Variants in IQSEC1 observed in about 807,000 individuals in gnomAD.
IQSEC1 encodes the protein IQ motif and Sec7 domain ArfGEF 1, also known as IQ motif and SEC7 domain-containing protein 1.
Under a neutral mutation model 91.0 loss-of-function variants are expected in IQSEC1, and 31 were observed. That is an observed-to-expected ratio of 0.34 (90% confidence interval 0.26 to 0.46). The LOEUF is 0.46. Among genes scored for constraint, IQSEC1 ranks in the 20% least tolerant of loss-of-function variants. The probability of loss-of-function intolerance (pLI) is 1.00; values close to 1 mark genes in which losing one functional copy is unlikely to be tolerated. For synonymous variants in IQSEC1, 699 were observed against 662.6 expected (o/e 1.05, Z -0.84); for missense variants, 1,388 against 1,575.6 (o/e 0.88, Z 2.02).
At chr3:13,127,353 G>C (rs576422019) in intron 2 of IQSEC1, among the ~76,000 whole-genome samples, 1 of 152,106 alleles carries the variant, frequency 6.6e-6, no homozygotes, top group Non-Finnish European at 1.5e-5. Context: ...GGCAGAGGTT[G>C]CAGTGAGCCG....
intron 3 of IQSEC1, among the ~76,000 whole-genome samples, chr3:12,929,034 G>A (rs768238342): frequency 6.6e-6 from 1 of 152,142 alleles, no homozygotes; most frequent in East Asian, 1.9e-4. Context: ...GGATACAGAC[G>A]GAGATAAAGT....
chr3:13,022,913 C>T (rs148519825), intron 1 of IQSEC1, among the ~76,000 whole-genome samples: 9 of 152,362 alleles, frequency 5.9e-5, no homozygotes, highest in Non-Finnish European at 1.2e-4. Context: ...TGGTCAGCCC[C>T]CTCCGGCCTT....
chr3:12,997,025 C>T (rs1400397967), intron 1 of IQSEC1, among the ~76,000 whole-genome samples: 1 of 152,188 alleles, frequency 6.6e-6, no homozygotes, highest in African/African-American at 2.4e-5. Context: ...AATACAAGGA[C>T]AGACAACACA....
chr3:13,058,279 A>G (rs1231437532), intron 1 of IQSEC1, among the ~76,000 whole-genome samples: 1 of 152,240 alleles, frequency 6.6e-6, no homozygotes, highest in Non-Finnish European at 1.5e-5. Context: ...TCTCAAAAAA[A>G]AGAAAAGGAA....
At chr3:13,015,543 A>C in intron 1 of IQSEC1, 3 of 985,226 alleles carry the variant, frequency 3.0e-6, no homozygotes, top group Non-Finnish European at 3.6e-6. Context: ...AGGGCTGCTG[A>C]GGTCCCCTCC....
chr3:13,071,280 C>T (rs1705417057), intron 1 of IQSEC1, among the ~76,000 whole-genome samples: 1 of 151,614 alleles, frequency 6.6e-6, no homozygotes, highest in African/African-American at 2.4e-5. Flanking sequence ...GCCTCAGTTT[C>T]CCCATCTCTA....
chr3:13,027,716 TGG>T (rs1326264630), intron 1 of IQSEC1, among the ~76,000 whole-genome samples: 1 of 152,008 alleles, frequency 6.6e-6, no homozygotes. Context: ...GGATGGCCAG[TGG>T]GAGCAGGTTT....
At chr3:12,953,160 T>C (rs929687227) in intron 1 of IQSEC1, among the ~76,000 whole-genome samples, 1 of 152,038 alleles carries the variant, frequency 6.6e-6, no homozygotes, top group Admixed American at 6.6e-5. Context: ...ACAGAGAATG[T>C]CTCCCACCCT....
chr3:13,056,043 C>T (rs1178654470), intron 1 of IQSEC1, among the ~76,000 whole-genome samples: 1 of 152,096 alleles, frequency 6.6e-6, no homozygotes, highest in Non-Finnish European at 1.5e-5. Flanking sequence ...GACAGCAGCA[C>T]GAGTCATGAG....
intron 1 of IQSEC1, among the ~76,000 whole-genome samples, chr3:12,952,518 C>A (rs1699618101): frequency 6.6e-6 from 1 of 152,186 alleles, no homozygotes; most frequent in Admixed American, 6.5e-5. Context: ...ACATGCCACC[C>A]CACCCCGCCC....
intron 6 of IQSEC1, among the ~76,000 whole-genome samples, chr3:12,918,714 T>C (rs575980942): frequency 6.6e-6 from 1 of 152,216 alleles, no homozygotes; most frequent in East Asian, 1.9e-4. Context: ...CTCAGCTACC[T>C]GGCAGGCTGA....
chr3:13,249,615 A>G (rs1397179685), intron 1 of IQSEC1, among the ~76,000 whole-genome samples: 1 of 152,086 alleles, frequency 6.6e-6, no homozygotes, highest in East Asian at 1.9e-4. Context: ...GAGTTCGAAT[A>G]CCAGCTTGGG....
chr3:13,170,215 C>A (rs1458888630), intron 1 of IQSEC1, among the ~76,000 whole-genome samples: 2 of 152,236 alleles, frequency 1.3e-5, no homozygotes, highest in Non-Finnish European at 2.9e-5. Context: ...TCAGAGGGTG[C>A]AAGCCCCAAG....
intron 1 of IQSEC1, among the ~76,000 whole-genome samples, chr3:13,054,033 T>C (rs1321608760): frequency 6.6e-6 from 1 of 152,192 alleles, no homozygotes; most frequent in African/African-American, 2.4e-5. Flanking sequence ...CTTCGCACCG[T>C]CTCTCGAGTG....
At chr3:12,928,105 C>T (rs1697320614) in intron 3 of IQSEC1, among the ~76,000 whole-genome samples, 1 of 152,062 alleles carries the variant, frequency 6.6e-6, no homozygotes, top group South Asian at 2.1e-4. Flanking sequence ...CAGGGCCCAG[C>T]TGGCAGCTGA....
chr3:12,957,327 C>T (rs905303028), intron 1 of IQSEC1, among the ~76,000 whole-genome samples: 1 of 152,202 alleles, frequency 6.6e-6, no homozygotes, highest in African/African-American at 2.4e-5. Context: ...AGACGCTTGT[C>T]CCTGGCTAAG....
At chr3:13,199,294 G>A (rs532360058) in intron 1 of IQSEC1, among the ~76,000 whole-genome samples, 42 of 152,316 alleles carry the variant, frequency 2.8e-4, no homozygotes, top group East Asian at 5.8e-4. Context: ...CACATTTGAC[G>A]CAGTCCTGGT....
rs145294763 is a variant in IQSEC1, at chr3:13,248,608, G to A, written c.272+34103C>T. On this transcript the variant is annotated intron_variant, in intron 1 of 15. Transcript: ENST00000648114. Reference sequence around the variant, plus strand: ...CCACTCATGCAGTCCTGCTCCCTCAGTACCCTTTGTGACTCTCAGAATAAA... The same window carrying A: ...CCACTCATGCAGTCCTGCTCCCTCAATACCCTTTGTGACTCTCAGAATAAA... 2.0e-3 allele frequency among the ~76,000 whole-genome samples: 310 copies of A among 152,300 alleles called. 4 individuals carry two copies. The highest frequency in any genetic ancestry group is 0.015 in the Admixed American group (223 of 15,292).
intron 1 of IQSEC1, among the ~76,000 whole-genome samples, chr3:13,280,191 G>C (rs1257089101): frequency 2.0e-5 from 3 of 152,184 alleles, no homozygotes; most frequent in Non-Finnish European, 2.9e-5. Context: ...GCTGGGCCTA[G>C]GACCCTAGTT....
Sources: allele counts gnomAD v4.1 joint callset (sites outside exome capture counted in the v4.1 genomes callset), GRCh38; gene constraint gnomAD v4.1.1; transcripts MANE v1.5; gene names NCBI Gene and HGNC (gene_info 2026-07-23, HGNC 2026-07-21).